RNF228: variants seen among roughly 807,000 people sequenced by gnomAD.
The protein encoded by RNF228 is ring finger protein 228.
chr2:222,318,682 TG>T, the RNF228 span: 2 of 151,894 alleles, frequency 1.3e-5, no homozygotes, highest in African/African-American at 4.8e-5. Context: ...CAGATCTTTG[TG>T]CTCTAGGGAG....
At chr2:222,316,712 T>G in the RNF228 span, among the ~76,000 whole-genome samples, 1 of 152,230 alleles carries the variant, frequency 6.6e-6, no homozygotes, top group African/African-American at 2.4e-5. Context: ...ACATAATATA[T>G]CTTTAAACAT....
At chr2:222,317,004 T>C in the RNF228 span, among the ~76,000 whole-genome samples, 8 of 152,218 alleles carry the variant, frequency 5.3e-5, no homozygotes, top group Admixed American at 1.3e-4. Context: ...ATATGTAAGT[T>C]ACTTCTCTCT....
the RNF228 span, chr2:222,319,432 G>A: frequency 9.1e-6 from 2 of 220,430 alleles, no homozygotes; most frequent in Non-Finnish European, 1.8e-5. This position sits in a 1 kb window ranked among gnomAD's most constrained non-coding sequence, Gnocchi z 7.6. Flanking sequence ...CGCAGGCCGG[G>A]GCGGGCTCGA....
At chr2:222,319,292 G>T in the RNF228 span, 1 of 345,196 alleles carries the variant, frequency 2.9e-6, no homozygotes, top group Admixed American at 4.8e-5. The surrounding 1 kb of genome is among the most constrained non-coding windows in gnomAD (Gnocchi z 7.6). Flanking sequence ...CGCCGCCGTA[G>T]TGGTTGACGA....
the RNF228 span, chr2:222,318,288 G>A: frequency 6.6e-6 from 1 of 152,190 alleles, no homozygotes. Flanking sequence ...TGGGCAACAG[G>A]GCCCACCGCC....
At chr2:222,319,194 G>C in the RNF228 span, 1 of 316,760 alleles carries the variant, frequency 3.2e-6, no homozygotes, top group Non-Finnish European at 5.8e-6. This position sits in a 1 kb window ranked among gnomAD's most constrained non-coding sequence, Gnocchi z 7.6. Flanking sequence ...GCTGGCCACC[G>C]ACAGGCAGAT....
chr2:222,315,078 ATT>A, the RNF228 span, among the ~76,000 whole-genome samples: 4 of 148,500 alleles, frequency 2.7e-5, no homozygotes, highest in African/African-American at 9.9e-5. Context: ...TGCCATAAGT[ATT>A]TTTTTTTTTT....
the RNF228 span, chr2:222,318,663 T>A: frequency 4.6e-5 from 7 of 152,348 alleles, no homozygotes; most frequent in East Asian, 1.4e-3. Flanking sequence ...TCCCCTTGCT[T>A]CGTCTCTGCA....
chr2:222,315,593 A>G, the RNF228 span, among the ~76,000 whole-genome samples: 2 of 151,898 alleles, frequency 1.3e-5, no homozygotes, highest in Non-Finnish European at 2.9e-5. Context: ...CTTCACACCA[A>G]CTCCATGAGG....
At chr2:222,317,893 G>A in the RNF228 span, 1 of 152,080 alleles carries the variant, frequency 6.6e-6, no homozygotes, top group Non-Finnish European at 1.5e-5. Flanking sequence ...TTACCAACAG[G>A]CTTTTATTTT....
chr2:222,317,746 G>A, the RNF228 span: 1 of 152,088 alleles, frequency 6.6e-6, no homozygotes, highest in African/African-American at 2.4e-5. Flanking sequence ...TTTCTAATAA[G>A]TGTATACGAT....
the RNF228 span, among the ~76,000 whole-genome samples, chr2:222,316,958 A>T: frequency 6.6e-6 from 1 of 152,252 alleles, no homozygotes; most frequent in Non-Finnish European, 1.5e-5. Context: ...AAAGTCTGAC[A>T]ACAGAGTTTA....
chr2:222,318,987 G>A, the RNF228 span: 1 of 153,748 alleles, frequency 6.5e-6, no homozygotes, highest in East Asian at 1.9e-4. Flanking sequence ...CCCGCCACGC[G>A]GGGCTGGAGG....
At chr2:222,314,825 C>A in the RNF228 span, among the ~76,000 whole-genome samples, 3 of 152,178 alleles carry the variant, frequency 2.0e-5, no homozygotes, top group African/African-American at 7.2e-5. Flanking sequence ...TTTAATAGAT[C>A]TTTTTCTCAT....
chr2:222,318,184 CAGA>C, the RNF228 span: 1 of 152,246 alleles, frequency 6.6e-6, no homozygotes, highest in Non-Finnish European at 1.5e-5. Flanking sequence ...AGTCTAGTTA[CAGA>C]AGACTTCCTG....
At chr2:222,316,061 A>C in the RNF228 span, among the ~76,000 whole-genome samples, 3 of 152,204 alleles carry the variant, frequency 2.0e-5, no homozygotes, top group Non-Finnish European at 4.4e-5. Flanking sequence ...AAGGGAAAAA[A>C]AAATACCACT....
chr2:222,318,401 G>T, the RNF228 span: 1 of 152,274 alleles, frequency 6.6e-6, no homozygotes, highest in Non-Finnish European at 1.5e-5. Flanking sequence ...CTCCGGGCAC[G>T]CCCGCGCTGT....
chr2:222,318,542 T>A, the RNF228 span: 16 of 152,154 alleles, frequency 1.1e-4, no homozygotes, highest in Admixed American at 7.9e-4. Context: ...TCAAGTCCAT[T>A]CACAGCCGCC....
the RNF228 span, among the ~76,000 whole-genome samples, chr2:222,320,140 G>T: frequency 6.6e-6 from 1 of 152,084 alleles, no homozygotes; most frequent in Non-Finnish European, 1.5e-5. Context: ...GCTCCGGGCG[G>T]GGAGGAGGCG....
Sources: allele counts gnomAD v4.1 joint callset (sites outside exome capture counted in the v4.1 genomes callset), GRCh38; gene constraint gnomAD v4.1.1; non-coding constraint Gnocchi (gnomAD v3.1); transcripts MANE v1.5; gene names NCBI Gene and HGNC (gene_info 2026-07-23, HGNC 2026-07-21).